The following HDAC9 variants were observed in gnomAD, a reference collection of about 807,000 sequenced individuals.
HDAC9 encodes the protein MEF-2 interacting transcription repressor (MITR) protein.
A neutral mutation model predicts 139.4 loss-of-function variants in HDAC9; 41 were observed. That is an observed-to-expected ratio of 0.29 (90% CI 0.23 to 0.38). The LOEUF (loss-of-function observed/expected upper bound fraction) is 0.38. Among genes scored for constraint, HDAC9 ranks in the 10% least tolerant of loss-of-function variants. The pLI is 1.00. For missense variants in HDAC9, 1,147 were observed against 1,297.0 expected, an observed-to-expected ratio of 0.88 and a Z score of 1.78; for synonymous variants, 517 against 476.2, an observed-to-expected ratio of 1.09 and a Z score of -1.12.
At chr7:18,206,869 A>G (rs1184583893) in intron 2 of HDAC9, among the ~76,000 whole-genome samples, 1 of 152,022 alleles carries the variant, frequency 6.6e-6, no homozygotes, top group East Asian at 1.9e-4. Context: ...ATTTAGTACA[A>G]ATGTTTATTT....
intron 12 of HDAC9, among the ~76,000 whole-genome samples, chr7:18,695,907 T>C (rs1199371552): frequency 6.6e-6 from 1 of 152,238 alleles, no homozygotes; most frequent in African/African-American, 2.4e-5. Flanking sequence ...TTATTTATTT[T>C]CTGGCTAGTA....
intron 17 of HDAC9, among the ~76,000 whole-genome samples, chr7:18,812,998 T>G (rs1310534850): frequency 2.0e-5 from 3 of 152,108 alleles, no homozygotes; most frequent in African/African-American, 7.2e-5. Flanking sequence ...TTTAGTTCTT[T>G]TTTACACTTT....
At chr7:18,162,977 T>C (rs17345927) in intron 2 of HDAC9, among the ~76,000 whole-genome samples, 6,512 of 152,246 alleles carry the variant, frequency 0.043, 187 homozygotes, top group Non-Finnish European at 0.059. Flanking sequence ...TTGGGAATGA[T>C]GAAGTAGGGT....
chr7:18,529,765 T>C (rs1266265410), intron 2 of HDAC9, among the ~76,000 whole-genome samples: 1 of 152,216 alleles, frequency 6.6e-6, no homozygotes, highest in African/African-American at 2.4e-5. Context: ...GATTCACCAA[T>C]GTTTAAAATC....
intron 1 of HDAC9, among the ~76,000 whole-genome samples, chr7:18,294,742 T>C (rs993190814): frequency 6.6e-6 from 1 of 152,112 alleles, no homozygotes; most frequent in Non-Finnish European, 1.5e-5. Flanking sequence ...TTTAAACTAG[T>C]TGCAGAGTGG....
intron 2 of HDAC9, among the ~76,000 whole-genome samples, chr7:18,263,272 A>G (rs1351748475): frequency 6.6e-6 from 1 of 152,152 alleles, no homozygotes; most frequent in East Asian, 1.9e-4. Flanking sequence ...ATAAAACCGC[A>G]TTTTTATGTT....
At chr7:18,211,180 A>T (rs1277749604) in intron 2 of HDAC9, among the ~76,000 whole-genome samples, 2 of 152,200 alleles carry the variant, frequency 1.3e-5, no homozygotes, top group East Asian at 3.8e-4. Context: ...GCAGCATTTC[A>T]CCCGTTGTTT....
At chr7:18,439,642 C>T (rs1322937106) in intron 1 of HDAC9, among the ~76,000 whole-genome samples, 2 of 152,098 alleles carry the variant, frequency 1.3e-5, no homozygotes, top group African/African-American at 4.8e-5. Context: ...ACATGGAGAC[C>T]TATTTGTAGT....
At chr7:18,721,093 T>A (rs1785111061) in intron 12 of HDAC9, among the ~76,000 whole-genome samples, 1 of 152,196 alleles carries the variant, frequency 6.6e-6, no homozygotes. Flanking sequence ...TTAGTTATTA[T>A]AATAATATTG....
At chr7:18,548,692 C>T (rs1005677670) in intron 2 of HDAC9, among the ~76,000 whole-genome samples, 1 of 151,902 alleles carries the variant, frequency 6.6e-6, no homozygotes, top group Admixed American at 6.6e-5. Context: ...AATAAACAAC[C>T]AGAGCAATAA....
intron 22 of HDAC9, among the ~76,000 whole-genome samples, chr7:18,895,618 A>T (rs1010924222): frequency 6.6e-6 from 1 of 152,118 alleles, no homozygotes; most frequent in African/African-American, 2.4e-5. Flanking sequence ...TCCTTTGAAT[A>T]TGAGTGTTAT....
intron 1 of HDAC9, among the ~76,000 whole-genome samples, chr7:18,323,746 T>C (rs1438131436): frequency 6.6e-6 from 1 of 151,978 alleles, no homozygotes; most frequent in African/African-American, 2.4e-5. Context: ...AAGAACAAAT[T>C]GCTGGGGAAT....
intron 1 of HDAC9, chr7:18,325,519 G>A (rs1197458204): frequency 2.0e-5 from 3 of 151,806 alleles, no homozygotes; most frequent in African/African-American, 7.3e-5. Flanking sequence ...AAGAAATGAG[G>A]TCTTACTGTG....
At chr7:18,650,845 T>A (rs1788994593) in intron 11 of HDAC9, among the ~76,000 whole-genome samples, 1 of 152,178 alleles carries the variant, frequency 6.6e-6, no homozygotes, top group Admixed American at 6.6e-5. Flanking sequence ...TTAACCTCTC[T>A]CAGCTTGGGT....
At chr7:18,763,421 A>G (rs924952234) in intron 15 of HDAC9, among the ~76,000 whole-genome samples, 10 of 152,336 alleles carry the variant, frequency 6.6e-5, no homozygotes, top group African/African-American at 1.9e-4. Context: ...CCAGAGGGGA[A>G]TACATAAAGA....
chr7:18,376,467 A>G (rs994606206), intron 1 of HDAC9, among the ~76,000 whole-genome samples: 3 of 152,194 alleles, frequency 2.0e-5, no homozygotes, highest in African/African-American at 7.2e-5. Flanking sequence ...GCTTTGGTAT[A>G]TTAGGACTTC....
intron 2 of HDAC9, among the ~76,000 whole-genome samples, chr7:18,273,646 T>C (rs1796530589): frequency 6.6e-6 from 1 of 152,162 alleles, no homozygotes; most frequent in Non-Finnish European, 1.5e-5. Flanking sequence ...GGAAGGACAG[T>C]AGTTTATAAA....
chr7:18,440,179 T>C (rs1225512022), intron 1 of HDAC9, among the ~76,000 whole-genome samples: 2 of 139,194 alleles, frequency 1.4e-5, no homozygotes, highest in African/African-American at 5.6e-5. Flanking sequence ...GGTTTACCTC[T>C]TTTTTTTTTC....
intron 22 of HDAC9, among the ~76,000 whole-genome samples, chr7:18,933,902 T>C (rs1157921516): frequency 6.6e-6 from 1 of 152,092 alleles, no homozygotes; most frequent in East Asian, 1.9e-4. Flanking sequence ...AAAGATGTGA[T>C]GTAGCAGATT....
Sources: allele counts gnomAD v4.1 joint callset (sites outside exome capture counted in the v4.1 genomes callset), GRCh38; gene constraint gnomAD v4.1.1; transcripts MANE v1.5; gene names NCBI Gene and HGNC (gene_info 2026-07-23, HGNC 2026-07-21).